The following GRM3 variants were observed in gnomAD, a reference collection of about 807,000 sequenced individuals.
GRM3 encodes glutamate metabotropic receptor 3, also known as metabotropic glutamate receptor 3.
Under a neutral mutation model 70.5 loss-of-function variants are expected in GRM3, and 26 were observed. The ratio of observed to expected loss-of-function variants is 0.37; its 90% CI spans 0.27 to 0.51. GRM3 has a LOEUF of 0.51. Among genes scored for constraint, GRM3 ranks in the 20% least tolerant of loss-of-function variants. The probability of loss-of-function intolerance (pLI) is 0.93; values close to 1 mark genes in which losing one functional copy is unlikely to be tolerated. For missense variants in GRM3, 859 were observed against 1,123.8 expected, an observed-to-expected ratio of 0.76 and a Z score of 3.37; for synonymous variants, 443 against 434.9, an observed-to-expected ratio of 1.02 and a Z score of -0.23.
intron 3 of GRM3, among the ~76,000 whole-genome samples, chr7:86,835,204 C>G (rs1798431864): frequency 6.6e-6 from 1 of 151,778 alleles, no homozygotes; most frequent in South Asian, 2.1e-4. Context: ...TAACTTAGTA[C>G]TTTATAATTT....
Position 86,688,747 on chromosome 7 carries a change from G to GTATA in GRM3, c.-141+43883_-141+43886dup, listed in dbSNP as rs1466971765. On this transcript the variant is annotated intron_variant, in intron 1 of 5. Coordinates refer to ENST00000361669, the MANE Select transcript of GRM3 (RefSeq NM_000840.3). The stretch of plus-strand genomic sequence containing the variant: ...CTTACATATATGATATATATATATC[G>GTATA]TATATATATATCTCTCACATATATA... 3.6e-3 allele frequency among the ~76,000 whole-genome samples: 515 copies of GTATA among 144,304 alleles called. 4 individuals carry two copies. Among genetic ancestry groups the GTATA allele is most frequent in the African/African-American group, 0.013 (493 of 39,348 alleles). The allele number at this position is 144,304 out of a possible 152,430, so 94.7% of individuals were successfully genotyped here.
intron 4 of GRM3, among the ~76,000 whole-genome samples, chr7:86,850,059 CT>C (rs1041858308): frequency 1.3e-5 from 2 of 152,256 alleles, no homozygotes; most frequent in African/African-American, 4.8e-5. Flanking sequence ...AAGATTCCAC[CT>C]TCTGTGGCTT....
chr7:86,811,854 C>A (rs897400710), intron 3 of GRM3, among the ~76,000 whole-genome samples: 1 of 150,022 alleles, frequency 6.7e-6, no homozygotes, highest in African/African-American at 2.4e-5. Context: ...CCTTCCTCAA[C>A]CTATTGTACT....
intron 1 of GRM3, among the ~76,000 whole-genome samples, chr7:86,731,289 C>T (rs1795729302): frequency 6.6e-6 from 1 of 152,130 alleles, no homozygotes; most frequent in Admixed American, 6.5e-5. Flanking sequence ...CTTTTAGTCA[C>T]CTGGGTTTAA....
intron 1 of GRM3, among the ~76,000 whole-genome samples, chr7:86,744,171 T>A (rs1185051419): frequency 6.6e-6 from 1 of 151,988 alleles, no homozygotes; most frequent in Non-Finnish European, 1.5e-5. Context: ...ACCATCAGCA[T>A]AACTCACACT....
At position 86,786,293 on chromosome 7, in the gene GRM3, T is replaced by G. The variant is rs1171976105; in HGVS notation, c.501T>G (p.Pro167=). 1.2e-6 allele frequency: 2 copies of G among 1,614,026 alleles called. No homozygotes were observed. Among genetic ancestry groups the G allele is most frequent in the Middle Eastern group, 1.7e-4 (1 of 6,058 alleles). ...ACCTGCTGCGGCTCTTCCAGATCCC[T>G]CAGATCAGCTACGCATCCACCAGCG... ...VANLLRLFQI[P]QISYASTSAK... The change falls in exon 3 of 6, where the codon CCT becomes CCG. Residue 167 remains proline (P), a synonymous_variant. Transcript: ENST00000361669. The surrounding 1 kb of genome is among the most constrained non-coding windows in gnomAD (Gnocchi z 6.0).
At chr7:86,759,251 C>T (rs1796421575) in intron 1 of GRM3, among the ~76,000 whole-genome samples, 1 of 152,058 alleles carries the variant, frequency 6.6e-6, no homozygotes, top group Non-Finnish European at 1.5e-5. Context: ...TAAATGCTCT[C>T]AAAATTTCCA....
rs145817428 is a variant in GRM3, at chr7:86,678,079, G to A, written c.-141+33207G>A. On this transcript the variant is annotated intron_variant, in intron 1 of 5. Coordinates refer to ENST00000361669, the MANE Select transcript of GRM3 (RefSeq NM_000840.3). ...AAAATCTTACAAAGTAAAACTTAAG[G>A]ATAGAAATATGAATTTGGTTCTAAC... 3.5e-3 allele frequency among the ~76,000 whole-genome samples: 537 copies of A among 152,046 alleles called. 4 individuals carry two copies. The highest frequency in any genetic ancestry group is 0.012 in the African/African-American group (510 of 41,524).
chr7:86,679,271 T>G (rs1045668690), intron 1 of GRM3, among the ~76,000 whole-genome samples: 3 of 152,074 alleles, frequency 2.0e-5, no homozygotes, highest in Non-Finnish European at 2.9e-5. Context: ...ATAAAAGATT[T>G]TGATAAGTTA....
rs201703999 is a variant in GRM3, at chr7:86,756,066, C to CTTTG, written c.-140-8924_-140-8921dup. On this transcript the variant is annotated intron_variant, in intron 1 of 5. Coordinates refer to ENST00000361669, the MANE Select transcript of GRM3 (RefSeq NM_000840.3). ...CTTTGAAGTAATTCCTGTAGCATTTCTTTGTTTGTTTGTTTGTTTTTGTTT... is the reference window on the plus strand; with the variant it reads ...CTTTGAAGTAATTCCTGTAGCATTTCTTTGTTTGTTTGTTTGTTTGTTTTTGTTT... Among the ~76,000 whole-genome samples, 587 of 152,020 alleles carry CTTTG rather than the reference C, an allele frequency of 3.9e-3. 3 individuals carry two copies. Among genetic ancestry groups the CTTTG allele is most frequent in the African/African-American group, 0.013 (553 of 41,472 alleles).
intron 1 of GRM3, among the ~76,000 whole-genome samples, chr7:86,702,381 C>G (rs192306700): frequency 6.6e-6 from 1 of 151,976 alleles, no homozygotes; most frequent in Non-Finnish European, 1.5e-5. Flanking sequence ...TGTTCTTAAG[C>G]CAGGCTTTCC....
intron 3 of GRM3, among the ~76,000 whole-genome samples, chr7:86,788,197 A>G (rs1399202122): frequency 6.6e-6 from 1 of 152,254 alleles, no homozygotes; most frequent in Non-Finnish European, 1.5e-5. Flanking sequence ...TTATATGCTC[A>G]GATCATACTA....
chr7:86,772,227 C>G (rs1485933912), intron 2 of GRM3, among the ~76,000 whole-genome samples: 1 of 152,034 alleles, frequency 6.6e-6, no homozygotes, highest in Non-Finnish European at 1.5e-5. Flanking sequence ...TACCTATGTA[C>G]AGTTGATAAG....
intron 1 of GRM3, among the ~76,000 whole-genome samples, chr7:86,668,279 T>G (rs532451725): frequency 9.2e-5 from 14 of 152,262 alleles, no homozygotes; most frequent in South Asian, 2.1e-4. Context: ...ATTTTTTTTT[T>G]TTGTTATTTA....
chr7:86,802,987 C>G (rs1185280548), intron 3 of GRM3, among the ~76,000 whole-genome samples: 1 of 152,172 alleles, frequency 6.6e-6, no homozygotes, highest in East Asian at 1.9e-4. Flanking sequence ...GCTATTCAGT[C>G]ACCAATAATC....
At chr7:86,694,290 C>T (rs533286505) in intron 1 of GRM3, among the ~76,000 whole-genome samples, 1 of 152,114 alleles carries the variant, frequency 6.6e-6, no homozygotes, top group East Asian at 1.9e-4. Flanking sequence ...CTTTGGGAGG[C>T]CGAGGCGGGC....
intron 1 of GRM3, among the ~76,000 whole-genome samples, chr7:86,653,667 C>A (rs922008565): frequency 1.3e-5 from 2 of 151,554 alleles, no homozygotes; most frequent in Non-Finnish European, 2.9e-5. Flanking sequence ...CATTTTTAAT[C>A]TTTTATCCTG....
chr7:86,850,237 G>A, intron 4 of GRM3, 133 bp from the exon 5 acceptor site: 1 of 618,360 alleles, frequency 1.6e-6, no homozygotes, highest in South Asian at 2.0e-5. Flanking sequence ...TTACTGTATT[G>A]ATTTGGCTAC....
intron 4 of GRM3, among the ~76,000 whole-genome samples, chr7:86,847,953 T>C (rs1798686865): frequency 6.6e-6 from 1 of 152,200 alleles, no homozygotes; most frequent in Non-Finnish European, 1.5e-5. Flanking sequence ...GCAATTTTAG[T>C]GCTCCTTCCA....
Sources: gnomAD v4.1 joint callset for allele counts (sites outside exome capture counted in the v4.1 genomes callset) on GRCh38, gnomAD v4.1.1 for gene constraint, Gnocchi (gnomAD v3.1) non-coding constraint, MANE v1.5 for transcripts, NCBI Gene and HGNC (gene_info 2026-07-23, HGNC 2026-07-21) for gene names.